The following C16orf87 variants were observed in gnomAD, a reference collection of about 807,000 sequenced individuals.
C16orf87 encodes the protein UPF0547 protein C16orf87.
In C16orf87, 13 loss-of-function variants were observed where a neutral mutation model predicts 21.0. The observed-to-expected ratio is 0.62, with a 90% CI of 0.40 to 0.98. C16orf87 has a LOEUF of 0.98. Among genes scored for constraint, C16orf87 ranks in the 50% least tolerant of loss-of-function variants. The pLI, the probability that C16orf87 is intolerant of heterozygous loss-of-function variation, is 0.00. For synonymous variants in C16orf87, 49 were observed against 60.2 expected, an observed-to-expected ratio of 0.81 and a Z score of 0.86; for missense variants, 113 against 180.4, an observed-to-expected ratio of 0.63 and a Z score of 2.14.
intron 1 of C16orf87, among the ~76,000 whole-genome samples, chr16:46,825,035 T>C (rs552374153): frequency 1.3e-5 from 2 of 152,172 alleles, no homozygotes; most frequent in African/African-American, 4.8e-5. Context: ...AAAAAATAAA[T>C]ATGTATTAAA....
chr16:46,818,502 T>A (rs1007871538), intron 2 of C16orf87, among the ~76,000 whole-genome samples: 8 of 152,168 alleles, frequency 5.3e-5, no homozygotes, highest in African/African-American at 1.7e-4. Context: ...CTAAACCTTT[T>A]ACTCACTGAA....
intron 2 of C16orf87, among the ~76,000 whole-genome samples, chr16:46,811,115 A>G (rs1011072451): frequency 3.3e-5 from 5 of 152,228 alleles, no homozygotes; most frequent in Non-Finnish European, 7.3e-5. Flanking sequence ...TAATAAATGA[A>G]GAAGGAATGA....
At chr16:46,803,120 A>C (rs1281053573) in intron 3 of C16orf87, 50 bp from the exon 4 acceptor site, 1 of 846,284 alleles carries the variant, frequency 1.2e-6, no homozygotes, top group Non-Finnish European at 1.9e-6. Flanking sequence ...AGATGCAGTA[A>C]ATTTAAATTT....
chr16:46,813,467 C>T (rs1968156966), intron 2 of C16orf87, among the ~76,000 whole-genome samples: 1 of 138,216 alleles, frequency 7.2e-6, no homozygotes, highest in Non-Finnish European at 1.5e-5. Context: ...ACGTACCAGC[C>T]AATATTATCT....
At position 46,809,670 on chromosome 16, in the gene C16orf87, T is replaced by C. The variant is rs1250965010; in HGVS notation, c.279A>G (p.Ser93=). The C allele has an allele frequency of 6.2e-7, 1 of 1,612,606 alleles. No homozygotes were observed. The highest frequency in any genetic ancestry group is 1.7e-5 in the Admixed American group (1 of 60,026). ...NRKRSRSNSH[S]DHIRRGRGRP... ...TTCCTCTTCCTCGTCTGATATGATC[T>C]GAATGGCTGTTACTTCGAGACCTCT... Residue 93 remains serine, a synonymous_variant, in exon 3 of 4, where the codon TCA becomes TCG. Transcript: ENST00000285697.
At chr16:46,820,993 C>A (rs900522469) in intron 2 of C16orf87, among the ~76,000 whole-genome samples, 1 of 152,140 alleles carries the variant, frequency 6.6e-6, no homozygotes, top group Non-Finnish European at 1.5e-5. Flanking sequence ...TCTATTAATT[C>A]TCCACTACTT....
intron 3 of C16orf87, among the ~76,000 whole-genome samples, chr16:46,804,693 T>A (rs1967873421): frequency 6.6e-6 from 1 of 152,196 alleles, no homozygotes. Flanking sequence ...TATACAAACA[T>A]GTAACCCATG....
intron 2 of C16orf87, among the ~76,000 whole-genome samples, chr16:46,812,253 A>G (rs1362894277): frequency 6.6e-6 from 1 of 152,056 alleles, no homozygotes; most frequent in Non-Finnish European, 1.5e-5. Context: ...CAATAAATAA[A>G]TAAATAAATA....
At chr16:46,809,937 C>G (rs1968036400) in intron 2 of C16orf87, 152 bp from the exon 3 acceptor site, 2 of 490,688 alleles carry the variant, frequency 4.1e-6, no homozygotes, top group South Asian at 4.1e-5. Context: ...ATGTCTCCCC[C>G]ACACCCTCAT....
rs1340685961 is a variant in C16orf87, at chr16:46,799,191, T to C, written c.*3761A>G. ...GAGTCTGCTTTGTATGTTAGGATAG[T>C]TATTAGTATAGTTGTAATCTTTGAG... On this transcript the variant is annotated 3_prime_UTR_variant, in exon 4 of 4. Transcript: ENST00000285697. 6.6e-6 allele frequency: 1 copy of C among 152,204 alleles called. No homozygotes were observed. The highest frequency in any genetic ancestry group is 1.5e-5 in the Non-Finnish European group (1 of 68,036). The allele number at this position is 152,204 out of a possible 1,614,324, so 9.4% of individuals were successfully genotyped here.
intron 2 of C16orf87, among the ~76,000 whole-genome samples, 154 bp downstream of exon 2, chr16:46,824,232 C>T (rs556154461): frequency 1.1e-4 from 17 of 152,272 alleles, no homozygotes; most frequent in African/African-American, 3.1e-4. Flanking sequence ...ATGAAACCAA[C>T]GTCGTAAACT....
Position 46,799,999 on chromosome 16 carries a change from T to C in C16orf87, c.*2953A>G, listed in dbSNP as rs1200632044. 1.3e-5 allele frequency: 2 copies of C among 152,174 alleles called. No homozygotes were observed. The highest frequency in any genetic ancestry group is 2.1e-4 in the South Asian group (1 of 4,830). 9.4% of individuals were successfully genotyped at this position (152,174 alleles called of 1,614,324 possible). On this transcript the variant is annotated 3_prime_UTR_variant, in exon 4 of 4. Coordinates refer to ENST00000285697, the MANE Select transcript of C16orf87 (RefSeq NM_001001436.4). Reference sequence around the variant, plus strand: ...AATTTTTCTAAATTTAAGACAAACATGCAGATTGAAAGGCAAGCCAAAATT... The same window carrying C: ...AATTTTTCTAAATTTAAGACAAACACGCAGATTGAAAGGCAAGCCAAAATT...
chr16:46,808,366 C>A (rs187436658), intron 3 of C16orf87, among the ~76,000 whole-genome samples: 7 of 152,200 alleles, frequency 4.6e-5, no homozygotes, highest in Admixed American at 4.6e-4. Context: ...TGTTTTCTAG[C>A]AATAGTAACT....
At chr16:46,830,734 T>G in intron 1 of C16orf87, 1 of 211,272 alleles carries the variant, frequency 4.7e-6, no homozygotes, top group East Asian at 1.0e-4. Flanking sequence ...TCGCCGGGGC[T>G]GCGGCCCGCA....
intron 1 of C16orf87, among the ~76,000 whole-genome samples, chr16:46,827,548 A>G (rs934146726): frequency 6.6e-6 from 1 of 152,134 alleles, no homozygotes; most frequent in Non-Finnish European, 1.5e-5. Context: ...GGTTGTTTGT[A>G]TGTTTTACAA....
In C16orf87 at chr16:46,797,320, A is replaced by G. The variant is rs961092331; in HGVS notation, c.*5632T>C. ...AAATATCTATGATAGTTGTAAGGAA[A>G]AAATACATTATCTGATGAGTCTTAT... On this transcript the variant is annotated 3_prime_UTR_variant, in exon 4 of 4. Transcript: ENST00000285697. 36 of 152,200 alleles carry G rather than the reference A, an allele frequency of 2.4e-4. No homozygotes were observed. The highest frequency in any genetic ancestry group is 8.2e-4 in the African/African-American group (34 of 41,450). 9.4% of individuals were successfully genotyped at this position (152,200 alleles called of 1,614,324 possible).
chr16:46,816,632 T>C (rs761010498), intron 2 of C16orf87, among the ~76,000 whole-genome samples: 3 of 152,182 alleles, frequency 2.0e-5, no homozygotes, highest in Non-Finnish European at 4.4e-5. Context: ...GATATCCCTA[T>C]GACAGAACTG....
intron 1 of C16orf87, among the ~76,000 whole-genome samples, chr16:46,826,389 T>C (rs1168077226): frequency 1.3e-5 from 2 of 152,202 alleles, no homozygotes; most frequent in Non-Finnish European, 2.9e-5. Context: ...ATTCCCCCAT[T>C]TGGCAGTTGT....
In C16orf87 at chr16:46,802,786, T is replaced by A; in HGVS notation, c.*166A>T. On this transcript the variant is annotated 3_prime_UTR_variant, in exon 4 of 4. Coordinates refer to ENST00000285697, the MANE Select transcript of C16orf87 (RefSeq NM_001001436.4). ...AGGAAATCCCAGAACAGTCCAAGCC[T>A]ACACAGCTTTGCTCCCGAAGTGTGG... 1 of 558,014 alleles carries A rather than the reference T, an allele frequency of 1.8e-6. No individual in the cohort carries two copies. Among genetic ancestry groups the A allele is most frequent in the Non-Finnish European group, 3.2e-6 (1 of 309,270 alleles). The allele number at this position is 558,014 out of a possible 1,614,324, so 34.6% of individuals were successfully genotyped here.
Sources: allele counts gnomAD v4.1 joint callset (sites outside exome capture counted in the v4.1 genomes callset), GRCh38; gene constraint gnomAD v4.1.1; transcripts MANE v1.5; gene names NCBI Gene and HGNC (gene_info 2026-07-23, HGNC 2026-07-21).